DOCK2: variants seen among roughly 807,000 people sequenced by gnomAD.
DOCK2 encodes the protein dedicator of cytokinesis protein 2.
A neutral mutation model predicts 248.9 loss-of-function variants in DOCK2; 87 were observed. That is an observed-to-expected ratio of 0.35 (90% CI 0.29 to 0.42). The LOEUF is 0.42. Ranked by LOEUF, DOCK2 falls within the 10% of genes least tolerant of loss-of-function variation. The pLI, the probability that DOCK2 is intolerant of heterozygous loss-of-function variation, is 1.00. For synonymous variants in DOCK2, 805 were observed against 821.6 expected, an observed-to-expected ratio of 0.98 and a Z score of 0.35; for missense variants, 1,747 against 2,300.2, an observed-to-expected ratio of 0.76 and a Z score of 4.92.
chr5:169,699,399 A>C lies in DOCK2; in HGVS notation c.1073A>C (p.Asp358Ala). The C allele has an allele frequency of 6.2e-7, 1 of 1,613,220 alleles. No homozygotes were observed. Among genetic ancestry groups the C allele is most frequent in the Non-Finnish European group, 8.5e-7 (1 of 1,179,466 alleles). ...CTTTCCAGGGTTACAGCTGAGAATG[A>C]CTTCCTACACAGCCTGCTGGGCAAA... ...IPFHPVTAEN[D>A]FLHSLLGKVI... The change falls in exon 12 of 52, where the codon GAC becomes GCC. Residue 358 changes from aspartate (D) to alanine (A), a missense_variant. Around this residue, in one of 4 missense-constraint regions of DOCK2, gnomAD observed 375 missense variants for 510.9 expected, o/e 0.73. Coordinates refer to ENST00000520908, the MANE Select transcript of DOCK2 (RefSeq NM_004946.3).
At chr5:169,670,505 T>C (rs1263320471) in intron 3 of DOCK2, 37 bp from the exon 4 acceptor site, 7 of 1,607,552 alleles carry the variant, frequency 4.4e-6, no homozygotes, top group Non-Finnish European at 5.9e-6. Context: ...TATATCTTTT[T>C]ATTTTATTTT....
chr5:169,825,073 C>T (rs1209242924), intron 26 of DOCK2, among the ~76,000 whole-genome samples: 3 of 152,128 alleles, frequency 2.0e-5, no homozygotes, highest in African/African-American at 7.2e-5. Flanking sequence ...CAATGAGATA[C>T]CATCTCACAC....
rs542270089 is a variant in DOCK2 at position 169,983,036 on chromosome 5, C to T, written c.2800-32C>T. ...GAAGTTTTCCATGGTCCTCTCTCAA[C>T]TATTTATAGTATTTGTCTTCATTTC... On this transcript the variant is annotated intron_variant, in intron 27 of 51. Transcript: ENST00000520908. The T allele has an allele frequency of 6.8e-6, 11 of 1,609,754 alleles. No individual in the cohort carries two copies. In the South Asian group the frequency reaches 1.1e-4, roughly 16 times the overall value.
chr5:170,065,982 C>G lies in DOCK2; in HGVS notation c.4468-1528C>G, dbSNP rs1294665653. Among the ~76,000 whole-genome samples the G allele has an allele frequency of 5.1e-5, 7 of 138,512 alleles. No individual in the cohort carries two copies. The East Asian group carries it at 1.4e-3, about 28-fold the overall frequency. 90.9% of individuals were successfully genotyped at this position (138,512 alleles called of 152,430 possible). On this transcript the variant is annotated intron_variant, in intron 44 of 51. Transcript: ENST00000520908. ...TTTTTTTTTTTTTGAGACAGAGTCT[C>G]GCTCTGTCGCCGAGGCTGGAGTGTA...
At chr5:170,017,254 G>T (rs1473556919) in intron 32 of DOCK2, among the ~76,000 whole-genome samples, 2 of 152,076 alleles carry the variant, frequency 1.3e-5, no homozygotes, top group Non-Finnish European at 2.9e-5. Flanking sequence ...ACCCTGAGGT[G>T]CTCTCTGCCC....
intron 38 of DOCK2, 120 bp from the exon 39 acceptor site, chr5:170,045,696 G>A (rs1045942860): frequency 1.4e-5 from 14 of 987,570 alleles, no homozygotes; most frequent in Non-Finnish European, 2.2e-5. Flanking sequence ...GTGGATCTGG[G>A]TCAGAGCAAG....
intron 2 of DOCK2, among the ~76,000 whole-genome samples, chr5:169,659,242 C>T (rs181402641): frequency 6.6e-6 from 1 of 152,212 alleles, no homozygotes. Flanking sequence ...CCTGCTTCTG[C>T]TACCCACTAG....
chr5:169,686,522 A>G (rs1476278846), intron 8 of DOCK2, among the ~76,000 whole-genome samples: 2 of 152,176 alleles, frequency 1.3e-5, no homozygotes, highest in East Asian at 1.9e-4. Flanking sequence ...GCAATTGTGA[A>G]AAGAGGAGAA....
At chr5:169,771,325 G>A (rs1057286482) in intron 25 of DOCK2, among the ~76,000 whole-genome samples, 3 of 152,184 alleles carry the variant, frequency 2.0e-5, no homozygotes, top group African/African-American at 7.2e-5. Context: ...CTGTCGCCCA[G>A]GCTGGTGGAG....
Position 170,020,284 on chromosome 5 carries a change from C to T in DOCK2, c.3381+1176C>T, listed in dbSNP as rs148437967. On this transcript the variant is annotated intron_variant, in intron 33 of 51. Coordinates refer to ENST00000520908, the MANE Select transcript of DOCK2 (RefSeq NM_004946.3). The stretch of plus-strand genomic sequence containing the variant: ...ACAGTCACAACCCTGCCTCTCAACA[C>T]CTTCTAAACTCTTACTGATCCTGCG... 2.0e-5 allele frequency among the ~76,000 whole-genome samples: 3 copies of T among 152,282 alleles called. No individual in the cohort carries two copies. The East Asian group carries it at 5.8e-4, about 29-fold the overall frequency.
chr5:169,692,672 G>T (rs1302913943), intron 9 of DOCK2, among the ~76,000 whole-genome samples: 2 of 152,172 alleles, frequency 1.3e-5, no homozygotes, highest in African/African-American at 4.8e-5. Flanking sequence ...ATATTAGTTT[G>T]CTAGGCCTGC....
At chr5:169,997,266 C>T (rs1194828986) in intron 30 of DOCK2, among the ~76,000 whole-genome samples, 1 of 129,456 alleles carries the variant, frequency 7.7e-6, no homozygotes. Flanking sequence ...AGCCCTAAGG[C>T]GGTTTTTCCC....
At position 170,083,172 on chromosome 5, in the gene DOCK2, G is replaced by A; in HGVS notation, c.*314G>A. ...ACAGCTTTCATAACCCAGTTTCTTA[G>A]GTGTAAGAAACTGTTTTTATCTCAT... On this transcript the variant is annotated 3_prime_UTR_variant, in exon 52 of 52. Transcript: ENST00000520908. The A allele has an allele frequency of 3.3e-6, 1 of 299,674 alleles. No homozygotes were observed. The highest frequency in any genetic ancestry group is 6.2e-6 in the Non-Finnish European group (1 of 161,450). 18.6% of individuals were successfully genotyped at this position (299,674 alleles called of 1,614,324 possible).
intron 29 of DOCK2, among the ~76,000 whole-genome samples, chr5:169,988,111 G>T (rs1778116036): frequency 6.6e-6 from 1 of 152,154 alleles, no homozygotes; most frequent in Non-Finnish European, 1.5e-5. Flanking sequence ...GACTAAAGAA[G>T]CATGTGTTAA....
intron 27 of DOCK2, among the ~76,000 whole-genome samples, chr5:169,930,315 T>C (rs893372082): frequency 2.0e-5 from 3 of 152,136 alleles, no homozygotes; most frequent in African/African-American, 2.4e-5. Context: ...TAACCACATA[T>C]GGGTGATGGT....
chr5:169,752,318 C>T (rs919105089), intron 23 of DOCK2, among the ~76,000 whole-genome samples: 30 of 152,154 alleles, frequency 2.0e-4, no homozygotes, highest in African/African-American at 7.0e-4. Flanking sequence ...ACTGTGAATG[C>T]CACTTATGCT....
At chr5:169,684,882 C>T (rs990727842) in intron 8 of DOCK2, among the ~76,000 whole-genome samples, 7 of 152,148 alleles carry the variant, frequency 4.6e-5, no homozygotes, top group Non-Finnish European at 5.9e-5. Flanking sequence ...CTCTTGGCTT[C>T]GAGTGATCCT....
chr5:169,646,205 T>A (rs1318864987), intron 1 of DOCK2, among the ~76,000 whole-genome samples: 1 of 152,202 alleles, frequency 6.6e-6, no homozygotes, highest in Non-Finnish European at 1.5e-5. Flanking sequence ...GAGATCCTTA[T>A]TCCATTGCTT....
At chr5:170,067,861 G>A (rs1438979242) in intron 45 of DOCK2, among the ~76,000 whole-genome samples, 175 bp downstream of exon 45, 1 of 152,186 alleles carries the variant, frequency 6.6e-6, no homozygotes, top group Non-Finnish European at 1.5e-5. Flanking sequence ...TCTTAGCTGA[G>A]CTCCTGTCTT....
Sources: allele counts gnomAD v4.1 joint callset (sites outside exome capture counted in the v4.1 genomes callset), GRCh38; gene constraint gnomAD v4.1.1; regional missense constraint gnomAD v4.1.1; transcripts MANE v1.5; gene names NCBI Gene and HGNC (gene_info 2026-07-23, HGNC 2026-07-21).